Variants in SNTG1 observed in about 807,000 individuals in gnomAD.
The protein encoded by SNTG1 is syntrophin gamma 1, also known as gamma-1-syntrophin.
SNTG1 carries 39 observed loss-of-function variants against 74.7 expected under a neutral mutation model. That is an observed-to-expected ratio of 0.52 (90% CI 0.40 to 0.68). The LOEUF (loss-of-function observed/expected upper bound fraction) is 0.68. Ranked by LOEUF, SNTG1 falls within the 30% of genes least tolerant of loss-of-function variation. SNTG1 has a pLI of 0.00. For synonymous variants in SNTG1, 254 were observed against 217.1 expected (o/e 1.17, Z -1.49); for missense variants, 685 against 609.5 (o/e 1.12, Z -1.30).
At chr8:50,475,957 C>T (rs919564804) in intron 8 of SNTG1, among the ~76,000 whole-genome samples, 12 of 152,254 alleles carry the variant, frequency 7.9e-5, no homozygotes, top group East Asian at 5.8e-4. Flanking sequence ...ACAAGTCATA[C>T]GTTTTACATT....
chr8:50,622,436 G>A (rs1263160363), intron 13 of SNTG1, among the ~76,000 whole-genome samples: 1 of 151,992 alleles, frequency 6.6e-6, no homozygotes, highest in African/African-American at 2.4e-5. Context: ...AATTGTTATA[G>A]AAAACTTAAT....
In SNTG1 at chr8:50,593,717, C is replaced by CTTTTTTTT. The variant is rs1183759564; in HGVS notation, c.849+2809_849+2816dup. Among the ~76,000 whole-genome samples the CTTTTTTTT allele has an allele frequency of 2.8e-3, 378 of 136,008 alleles. 2 individuals are homozygous for CTTTTTTTT. The highest frequency in any genetic ancestry group is 9.6e-3 in the African/African-American group (355 of 36,928). The allele number at this position is 136,008 out of a possible 152,430, so 89.2% of individuals were successfully genotyped here. On this transcript the variant is annotated intron_variant, in intron 13 of 18. Coordinates refer to ENST00000642720, the MANE Select transcript of SNTG1 (RefSeq NM_018967.5). ...GTTCTATTAAGATTCTGATTTGGTT[C>CTTTTTTTT]TTTTTTTTTTTTTTTTGAGAGACAG...
At chr8:50,531,037 A>G (rs1219320299) in intron 10 of SNTG1, among the ~76,000 whole-genome samples, 1 of 152,214 alleles carries the variant, frequency 6.6e-6, no homozygotes, top group Non-Finnish European at 1.5e-5. Flanking sequence ...CATACGTCAT[A>G]TAGCTTCTTC....
At chr8:50,786,032 A>T (rs955468953) in intron 18 of SNTG1, among the ~76,000 whole-genome samples, 4 of 152,034 alleles carry the variant, frequency 2.6e-5, no homozygotes, top group Non-Finnish European at 5.9e-5. Flanking sequence ...TAAGAATAAG[A>T]AAAGGATGTA....
chr8:50,069,667 C>T (rs535583383), intron 1 of SNTG1, among the ~76,000 whole-genome samples: 1 of 117,928 alleles, frequency 8.5e-6, no homozygotes, highest in Middle Eastern at 7.5e-3. Flanking sequence ...CAAGAAGATA[C>T]CTTTTCCTTT....
intron 2 of SNTG1, among the ~76,000 whole-genome samples, chr8:50,192,088 T>G (rs1004704714): frequency 1.1e-4 from 16 of 152,282 alleles, no homozygotes; most frequent in African/African-American, 3.9e-4. Flanking sequence ...GCCTGATTTA[T>G]TGAGAGCCCT....
chr8:50,515,280 T>C (rs572358236), intron 9 of SNTG1, among the ~76,000 whole-genome samples: 10 of 151,620 alleles, frequency 6.6e-5, no homozygotes, highest in African/African-American at 2.2e-4. Context: ...TTATAGTCTA[T>C]CAAATGTTCC....
chr8:50,180,335 A>AGTC (rs2083156432), intron 2 of SNTG1, among the ~76,000 whole-genome samples: 1 of 152,204 alleles, frequency 6.6e-6, no homozygotes, highest in East Asian at 1.9e-4. Flanking sequence ...AGGATGAATT[A>AGTC]GTCTAGAGAT....
chr8:50,572,952 T>A (rs959933157), intron 12 of SNTG1, among the ~76,000 whole-genome samples: 6 of 152,150 alleles, frequency 3.9e-5, no homozygotes, highest in African/African-American at 7.2e-5. Flanking sequence ...CCAGAAAATA[T>A]ACCCTGTTAA....
At chr8:49,932,495 C>T (rs994020892) in intron 1 of SNTG1, among the ~76,000 whole-genome samples, 5 of 151,394 alleles carry the variant, frequency 3.3e-5, no homozygotes, top group African/African-American at 1.2e-4. Flanking sequence ...TGTCCAGTGT[C>T]GTATTATTAC....
At chr8:50,501,678 G>A (rs2093958419) in intron 8 of SNTG1, among the ~76,000 whole-genome samples, 1 of 148,882 alleles carries the variant, frequency 6.7e-6, no homozygotes, top group Admixed American at 6.8e-5. Context: ...GGCTGGTCTC[G>A]AACTCCAGAC....
chr8:49,993,682 T>C lies in SNTG1; in HGVS notation c.-103+81451T>C, dbSNP rs547929325. Among the ~76,000 whole-genome samples, 5 of 152,330 alleles carry C rather than the reference T, an allele frequency of 3.3e-5. No homozygotes were observed. The East Asian group carries it at 7.7e-4, about 24-fold the overall frequency. Reference sequence around the variant, plus strand: ...GTTTGGTTTTCTGTTCCTGTGTTAGTATGCCAAGAATGATGGCTTCCAGCT... The same window carrying C: ...GTTTGGTTTTCTGTTCCTGTGTTAGCATGCCAAGAATGATGGCTTCCAGCT... On this transcript the variant is annotated intron_variant, in intron 1 of 18. Coordinates refer to ENST00000642720, the MANE Select transcript of SNTG1 (RefSeq NM_018967.5).
rs2089486166 is a variant in SNTG1, at chr8:50,298,323, G to A, written c.-27-95889G>A. 2.0e-5 allele frequency among the ~76,000 whole-genome samples: 3 copies of A among 152,226 alleles called. No individual in the cohort carries two copies. The South Asian group carries it at 6.2e-4, about 32-fold the overall frequency. On this transcript the variant is annotated intron_variant, in intron 2 of 18. Coordinates refer to ENST00000642720, the MANE Select transcript of SNTG1 (RefSeq NM_018967.5). ...AGATTCAGATACATGAGACTATTTG[G>A]CTTCTGGAGAGTATATTTATATTCC... is the stretch of plus-strand genomic sequence containing the variant.
intron 1 of SNTG1, among the ~76,000 whole-genome samples, chr8:49,968,332 T>A (rs1811340859): frequency 6.6e-6 from 1 of 152,216 alleles, no homozygotes; most frequent in Admixed American, 6.5e-5. Flanking sequence ...AATTATGGTG[T>A]ATTTTGTCTC....
At chr8:50,375,782 A>G (rs1244106987) in intron 2 of SNTG1, among the ~76,000 whole-genome samples, 1 of 152,162 alleles carries the variant, frequency 6.6e-6, no homozygotes, top group Non-Finnish European at 1.5e-5. Flanking sequence ...CAAGAGAAAA[A>G]CAAACAGAAG....
At chr8:50,453,910 G>A (rs2093478893) in intron 8 of SNTG1, among the ~76,000 whole-genome samples, 3 of 152,012 alleles carry the variant, frequency 2.0e-5, no homozygotes, top group South Asian at 4.1e-4. Context: ...GAGTTGACAT[G>A]GTCAAGAGTG....
intron 2 of SNTG1, among the ~76,000 whole-genome samples, chr8:50,195,855 T>A (rs1204240161): frequency 6.6e-6 from 1 of 152,144 alleles, no homozygotes; most frequent in Non-Finnish European, 1.5e-5. Context: ...GTTGGTTTGT[T>A]CTTGCAGTCG....
chr8:50,167,425 T>C (rs922898889), intron 1 of SNTG1, among the ~76,000 whole-genome samples: 14 of 151,914 alleles, frequency 9.2e-5, no homozygotes, highest in African/African-American at 2.4e-4. Context: ...ATCTTGTGTA[T>C]GTAAAACCTT....
At chr8:50,764,275 A>T (rs1304682907) in intron 18 of SNTG1, among the ~76,000 whole-genome samples, 2 of 151,912 alleles carry the variant, frequency 1.3e-5, no homozygotes, top group Admixed American at 6.6e-5. Context: ...AACAAACAGG[A>T]TTATATCAAA....
Sources: allele counts gnomAD v4.1 joint callset (sites outside exome capture counted in the v4.1 genomes callset), GRCh38; gene constraint gnomAD v4.1.1; transcripts MANE v1.5; gene names NCBI Gene and HGNC (gene_info 2026-07-23, HGNC 2026-07-21).